PDPK1: variants seen among roughly 807,000 people sequenced by gnomAD.
The protein encoded by PDPK1 is 3-phosphoinositide dependent protein kinase 1, also known as 3-phosphoinositide-dependent protein kinase 1.
Under a neutral mutation model 39.8 loss-of-function variants are expected in PDPK1, and 7 were observed. The observed-to-expected ratio is 0.18, with a 90% CI of 0.10 to 0.33. The LOEUF (loss-of-function observed/expected upper bound fraction) is 0.33, where lower values mean the gene tolerates loss of function less well. Ranked by LOEUF, PDPK1 falls within the 10% of genes least tolerant of loss-of-function variation. The probability of loss-of-function intolerance (pLI) is 1.00; values close to 1 mark genes in which losing one functional copy is unlikely to be tolerated. For missense variants in PDPK1, 182 were observed against 384.7 expected, an observed-to-expected ratio of 0.47 and a Z score of 4.41; for synonymous variants, 118 against 159.1, an observed-to-expected ratio of 0.74 and a Z score of 1.95.
intron 10 of PDPK1, 29 bp from the exon 11 acceptor site, chr16:2,586,647 C>G (rs374391328): frequency 2.8e-5 from 44 of 1,585,952 alleles, no homozygotes; most frequent in Non-Finnish European, 3.8e-5. Context: ...AGTGAAGGTG[C>G]GGTTCTCACT....
intron 1 of PDPK1, among the ~76,000 whole-genome samples, chr16:2,544,839 C>T (rs1355597480): frequency 6.6e-6 from 1 of 152,082 alleles, no homozygotes; most frequent in Non-Finnish European, 1.5e-5. Context: ...CCACCTCGGC[C>T]TCCCAAAGTG....
rs1314282429 is a variant in PDPK1 at position 2,577,644 on chromosome 16, C to T, written c.785+144C>T. 3.3e-5 allele frequency: 21 copies of T among 629,564 alleles called. 2 individuals carry two copies. In the East Asian group the frequency reaches 3.6e-4, roughly 11 times the overall value. 39.0% of individuals were successfully genotyped at this position (629,564 alleles called of 1,614,324 possible). ...GCATTTTAAGGCGTATTTTCCGTGG[C>T]GTACACACACGTGATGCGTTAGTGT... On this transcript the variant is annotated intron_variant, in intron 7 of 13. Coordinates refer to ENST00000342085, the MANE Select transcript of PDPK1 (RefSeq NM_002613.5).
chr16:2,598,146 A>G lies in PDPK1; in HGVS notation c.*379A>G, dbSNP rs531570429. On this transcript the variant is annotated 3_prime_UTR_variant, in exon 14 of 14. Coordinates refer to ENST00000342085, the MANE Select transcript of PDPK1 (RefSeq NM_002613.5). ...CGAACCATGCGCCCGCCCTGCCCCA[A>G]CTGTGTGCTGGTCCTGCTGTGGCCG... 5 of 269,226 alleles carry G rather than the reference A, an allele frequency of 1.9e-5. No individual in the cohort carries two copies. In the South Asian group the frequency reaches 2.9e-4, roughly 16 times the overall value. 16.7% of individuals were successfully genotyped at this position (269,226 alleles called of 1,614,324 possible). A position where few individuals can be genotyped will look rare whatever the true frequency, so the allele number is the denominator to read the frequency against.
chr16:2,545,757 C>T (rs1455122500), intron 1 of PDPK1, among the ~76,000 whole-genome samples: 11 of 152,198 alleles, frequency 7.2e-5, no homozygotes, highest in Admixed American at 5.2e-4. Flanking sequence ...CCTCCCAAAG[C>T]GTGAGATTAC....
Position 2,599,766 on chromosome 16 carries a change from G to A in PDPK1, c.*1999G>A, listed in dbSNP as rs1327574329. The A allele has an allele frequency of 1.3e-5, 3 of 233,668 alleles. No homozygotes were observed. The highest frequency in any genetic ancestry group is 2.5e-5 in the Non-Finnish European group (3 of 118,370). The allele number at this position is 233,668 out of a possible 1,614,324, so 14.5% of individuals were successfully genotyped here. ...ACGTCCTGTGTCTCCATGTAGGAGA[G>A]TGGCTCTCTCAGATCTCTCAGGGCG... On this transcript the variant is annotated 3_prime_UTR_variant, in exon 14 of 14. Coordinates refer to ENST00000342085, the MANE Select transcript of PDPK1 (RefSeq NM_002613.5).
intron 10 of PDPK1, among the ~76,000 whole-genome samples, chr16:2,584,936 G>C (rs185401189): frequency 6.6e-6 from 1 of 152,212 alleles, no homozygotes; most frequent in African/African-American, 2.4e-5. Context: ...GTTTGGTTAC[G>C]GCTGGCAGGT....
At chr16:2,547,207 G>C (rs1309883492) in intron 1 of PDPK1, among the ~76,000 whole-genome samples, 1 of 149,664 alleles carries the variant, frequency 6.7e-6, no homozygotes, top group African/African-American at 2.6e-5. Flanking sequence ...GCTGACGGCT[G>C]CTCATTTCCC....
At chr16:2,544,549 T>C (rs2066300299) in intron 1 of PDPK1, among the ~76,000 whole-genome samples, 1 of 152,200 alleles carries the variant, frequency 6.6e-6, no homozygotes, top group Non-Finnish European at 1.5e-5. Context: ...GTTAACCTTT[T>C]CCATATTTGC....
At chr16:2,590,668 G>A (rs1030578115) in intron 11 of PDPK1, among the ~76,000 whole-genome samples, 8 of 152,214 alleles carry the variant, frequency 5.3e-5, no homozygotes, top group African/African-American at 1.9e-4. Context: ...TTACTTTAAG[G>A]AAAACAACTG....
intron 1 of PDPK1, chr16:2,538,760 T>C: frequency 3.9e-6 from 5 of 1,284,334 alleles, no homozygotes; most frequent in Non-Finnish European, 4.1e-6. Context: ...GAGGGGAAAG[T>C]GAGCTTGACA....
chr16:2,591,547 A>G (rs1039583544), intron 11 of PDPK1, among the ~76,000 whole-genome samples: 26 of 152,350 alleles, frequency 1.7e-4, no homozygotes, highest in African/African-American at 6.3e-4. Flanking sequence ...TTCTTAGCCA[A>G]AAGGCCAGGA....
At chr16:2,596,752 A>G (rs945683583) in intron 12 of PDPK1, among the ~76,000 whole-genome samples, 13 of 152,110 alleles carry the variant, frequency 8.5e-5, no homozygotes, top group African/African-American at 2.2e-4. Context: ...GCCACTTCCA[A>G]GCGCAGGCTC....
chr16:2,591,716 C>A (rs547363691), intron 11 of PDPK1, among the ~76,000 whole-genome samples: 1 of 152,136 alleles, frequency 6.6e-6, no homozygotes, highest in Non-Finnish European at 1.5e-5. Context: ...CCTTATCAGC[C>A]GAACAGGAGA....
intron 1 of PDPK1, among the ~76,000 whole-genome samples, chr16:2,542,163 T>C (rs1244254923): frequency 1.3e-5 from 2 of 152,172 alleles, no homozygotes; most frequent in Non-Finnish European, 2.9e-5. Context: ...TCTGTTTGTT[T>C]ATTTATTTAT....
At chr16:2,591,043 A>C (rs2066980158) in intron 11 of PDPK1, among the ~76,000 whole-genome samples, 1 of 150,964 alleles carries the variant, frequency 6.6e-6, no homozygotes, top group South Asian at 2.1e-4. Context: ...GCTCACTGCA[A>C]CCTCCGCCTC....
At chr16:2,546,673 A>G (rs1014482163) in intron 1 of PDPK1, among the ~76,000 whole-genome samples, 1 of 152,032 alleles carries the variant, frequency 6.6e-6, no homozygotes, top group African/African-American at 2.4e-5. Flanking sequence ...TTCCTTCCTG[A>G]CAGCGGGGCC....
intron 10 of PDPK1, among the ~76,000 whole-genome samples, chr16:2,585,596 A>G (rs1269117100): frequency 6.6e-6 from 1 of 152,168 alleles, no homozygotes; most frequent in Non-Finnish European, 1.5e-5. Context: ...CAGTGTGACC[A>G]TTGGGCAGTG....
In PDPK1 at chr16:2,597,626, C is replaced by A; in HGVS notation, c.1555-25C>A. On this transcript the variant is annotated intron_variant, in intron 13 of 13. Transcript: ENST00000342085. The surrounding 1 kb of genome is among the most constrained non-coding windows in gnomAD (Gnocchi z 6.3). ...GGTTTTGGTGGGACTCCCTGGAGAA[C>A]ACTAAACGGCTTCTGTCTTCGCAGC... 6.5e-7 allele frequency: 1 copy of A among 1,537,636 alleles called. No individual in the cohort carries two copies. The highest frequency in any genetic ancestry group is 9.0e-7 in the Non-Finnish European group (1 of 1,110,416).
chr16:2,596,874 G>A (rs2067113804), intron 12 of PDPK1, among the ~76,000 whole-genome samples: 1 of 152,130 alleles, frequency 6.6e-6, no homozygotes, highest in Non-Finnish European at 1.5e-5. Flanking sequence ...GAGGGGCCAG[G>A]GGAGCCATGG....
Sources: gnomAD v4.1 joint callset for allele counts (sites outside exome capture counted in the v4.1 genomes callset) on GRCh38, gnomAD v4.1.1 for gene constraint, Gnocchi (gnomAD v3.1) non-coding constraint, MANE v1.5 for transcripts, NCBI Gene and HGNC (gene_info 2026-07-23, HGNC 2026-07-21) for gene names.